The following GINM1 variants were observed in gnomAD, a reference collection of about 807,000 sequenced individuals.
GINM1 encodes glycoprotein integral membrane protein 1.
Under a neutral mutation model 37.8 loss-of-function variants are expected in GINM1, and 29 were observed. The ratio of observed to expected loss-of-function variants is 0.77; its 90% CI spans 0.57 to 1.05. The LOEUF (loss-of-function observed/expected upper bound fraction) is 1.05. Among genes scored for constraint, GINM1 ranks in the 50% least tolerant of loss-of-function variants. The probability of loss-of-function intolerance (pLI) is 0.00; values close to 1 mark genes in which losing one functional copy is unlikely to be tolerated. For synonymous variants in GINM1, 143 were observed against 146.2 expected (o/e 0.98, Z 0.16); for missense variants, 377 against 397.9 (o/e 0.95, Z 0.45).
chr6:149,571,947 G>A (rs1777829480), intron 1 of GINM1, among the ~76,000 whole-genome samples: 1 of 151,970 alleles, frequency 6.6e-6, no homozygotes, highest in South Asian at 2.1e-4. Context: ...TGGGTGTGGT[G>A]GTGCATGCCT....
chr6:149,578,648 G>A (rs1230257657), intron 3 of GINM1, among the ~76,000 whole-genome samples, 174 bp from the exon 4 acceptor site: 1 of 151,844 alleles, frequency 6.6e-6, no homozygotes, highest in African/African-American at 2.4e-5. Context: ...AGATTTGTCA[G>A]ATTGTCTTTG....
chr6:149,578,804 C>T lies in GINM1; in HGVS notation c.278-18C>T. 1 of 1,506,300 alleles carries T rather than the reference C, an allele frequency of 6.6e-7. No individual in the cohort carries two copies. Among genetic ancestry groups the T allele is most frequent in the Middle Eastern group, 1.8e-4 (1 of 5,696 alleles). The allele number at this position is 1,506,300 out of a possible 1,614,324, so 93.3% of individuals were successfully genotyped here. A position where few individuals can be genotyped will look rare whatever the true frequency, so the allele number is the denominator to read the frequency against. The stretch of plus-strand genomic sequence containing the variant: ...TGGTAATCTTTGTTCAAAGGTGTCA[C>T]TACTTTTTTTTTTATAGTGAAGAAT... On this transcript the variant is annotated intron_variant, in intron 3 of 7. Coordinates refer to ENST00000367419, the MANE Select transcript of GINM1 (RefSeq NM_138785.5).
intron 7 of GINM1, among the ~76,000 whole-genome samples, chr6:149,584,128 A>C (rs1030480548): frequency 7.2e-5 from 11 of 151,996 alleles, no homozygotes; most frequent in African/African-American, 2.7e-4. Context: ...GGCATGCGCC[A>C]CCTTGCTTGG....
At chr6:149,574,264 C>T (rs1299966907) in intron 3 of GINM1, among the ~76,000 whole-genome samples, 1 of 152,096 alleles carries the variant, frequency 6.6e-6, no homozygotes, top group East Asian at 1.9e-4. Context: ...TTGGTCAAGG[C>T]CGGTCTCGAA....
chr6:149,570,496 G>A (rs1488187647), intron 1 of GINM1, among the ~76,000 whole-genome samples: 3 of 151,370 alleles, frequency 2.0e-5, no homozygotes, highest in Non-Finnish European at 2.9e-5. Flanking sequence ...GGAATTTCTA[G>A]TTAGAAAGCT....
intron 7 of GINM1, 42 bp downstream of exon 7, chr6:149,582,645 T>G: frequency 7.5e-7 from 1 of 1,333,870 alleles, no homozygotes; most frequent in Non-Finnish European, 1.0e-6. Context: ...TTTTTAATGA[T>G]TAAAAAGTGA....
At position 149,566,887 on chromosome 6, in the gene GINM1, G is replaced by C. The variant is rs1777728020; in HGVS notation, c.120+353G>C. ...CCTTCCCGGGGTAGAGCCAGCGCTT[G>C]GGCAAGGAATGTTTGTGTGCTCGGG... is the stretch of plus-strand genomic sequence containing the variant. On this transcript the variant is annotated intron_variant, in intron 1 of 7. Transcript: ENST00000367419. The surrounding 1 kb of genome is among the most constrained non-coding windows in gnomAD (Gnocchi z 4.4). Among the ~76,000 whole-genome samples the C allele has an allele frequency of 6.6e-6, 1 of 152,226 alleles. No homozygotes were observed. The highest frequency in any genetic ancestry group is 1.5e-5 in the Non-Finnish European group (1 of 68,044).
chr6:149,589,048 C>T (rs1414265854), intron 7 of GINM1, among the ~76,000 whole-genome samples: 1 of 152,024 alleles, frequency 6.6e-6, no homozygotes. Flanking sequence ...AAGTGACCCA[C>T]CCGTCTCGGC....
At chr6:149,586,958 A>C (rs1223193233) in intron 7 of GINM1, among the ~76,000 whole-genome samples, 1 of 151,778 alleles carries the variant, frequency 6.6e-6, no homozygotes, top group Non-Finnish European at 1.5e-5. Flanking sequence ...TAATTTTTTT[A>C]ATTTATTTTT....
At position 149,580,617 on chromosome 6, in the gene GINM1, C is replaced by T. The variant is rs750899252; in HGVS notation, c.611C>T (p.Thr204Ile). 6 of 1,613,360 alleles carry T rather than the reference C, an allele frequency of 3.7e-6. No homozygotes were observed. In the East Asian group the frequency reaches 1.1e-4, roughly 30 times the overall value. Residue 204 changes from threonine to isoleucine, a missense_variant, in exon 6 of 8, where the codon ACT becomes ATT. Transcript: ENST00000367419. ...KKESVSSLQT[T>I]SQYLIRNVET... ...GAAAGTGTTAGTTCACTGCAAACCA[C>T]TAGCCAGTATCTTATCAGGAATGTG...
intron 7 of GINM1, among the ~76,000 whole-genome samples, chr6:149,589,630 T>G (rs1266783900): frequency 6.6e-6 from 1 of 152,226 alleles, no homozygotes. Flanking sequence ...GTTCTCATTT[T>G]GTTTCCCAGA....
chr6:149,589,024 G>A (rs991507427), intron 7 of GINM1, among the ~76,000 whole-genome samples: 4 of 152,038 alleles, frequency 2.6e-5, no homozygotes, highest in African/African-American at 4.8e-5. Flanking sequence ...GGATGGTCTC[G>A]AACTCCTGAC....
chr6:149,566,589 C>A lies in GINM1; in HGVS notation c.120+55C>A. The A allele has an allele frequency of 7.0e-7, 1 of 1,426,682 alleles. No homozygotes were observed. The highest frequency in any genetic ancestry group is 9.2e-7 in the Non-Finnish European group (1 of 1,090,272). 88.4% of individuals were successfully genotyped at this position (1,426,682 alleles called of 1,614,324 possible). ...TTACGACTCCGACTCTCCGGGAGGC[C>A]CGGGCTGTCCACAGTGACGCTTCCC... On this transcript the variant is annotated intron_variant, in intron 1 of 7. Coordinates refer to ENST00000367419, the MANE Select transcript of GINM1 (RefSeq NM_138785.5). This position sits in a 1 kb window ranked among gnomAD's most constrained non-coding sequence, Gnocchi z 4.4.
At chr6:149,582,678 A>G (rs751240015) in intron 7 of GINM1, 75 bp downstream of exon 7, 4 of 1,061,484 alleles carry the variant, frequency 3.8e-6, no homozygotes, top group Non-Finnish European at 5.3e-6. Flanking sequence ...ATGTTTTAGA[A>G]TAGAAAATAT....
rs964516378 is a variant in GINM1 at position 149,591,491 on chromosome 6, CTATAATA to C, written c.*659_*665del. ...TAAGGAAATTATATCCACTTAATTA[CTATAATA>C]TATAAGACTTTATGAAAAGCACTTT... On this transcript the variant is annotated 3_prime_UTR_variant, in exon 8 of 8. Coordinates refer to ENST00000367419, the MANE Select transcript of GINM1 (RefSeq NM_138785.5). 2 of 151,750 alleles carry C rather than the reference CTATAATA, an allele frequency of 1.3e-5. No individual in the cohort carries two copies. The highest frequency in any genetic ancestry group is 1.9e-4 in the East Asian group (1 of 5,186). 9.4% of individuals were successfully genotyped at this position (151,750 alleles called of 1,614,324 possible).
Position 149,572,288 on chromosome 6 carries a change from G to A in GINM1, c.124G>A (p.Gly42Ser), listed in dbSNP as rs142853295. Residue 42 changes from glycine (G) to serine (S), a missense_variant, in exon 2 of 8, where the codon GGC (glycine) becomes AGC (serine). Transcript: ENST00000367419. Reference protein sequence around the residue: ...PPPLSGAPQDGIRINVTTLKD... With the variant: ...PPPLSGAPQDSIRINVTTLKD... ...TTACACAATACTTGTTTTACAGGAC[G>A]GCATCAGAATTAATGTAACTACACT... The A allele has an allele frequency of 1.1e-5, 17 of 1,587,522 alleles. No individual in the cohort carries two copies. Among genetic ancestry groups the A allele is most frequent in the South Asian group, 3.4e-5 (3 of 87,310 alleles).
intron 1 of GINM1, among the ~76,000 whole-genome samples, chr6:149,567,217 G>A (rs562126487): frequency 9.2e-5 from 14 of 152,298 alleles, no homozygotes; most frequent in African/African-American, 3.1e-4. Context: ...TGGGAGAATC[G>A]AGGCATCCTA....
Position 149,582,549 on chromosome 6 carries a change from G to A in GINM1, c.827G>A (p.Gly276Glu). Residue 276 changes from glycine (G) to glutamate (E), a missense_variant, in exon 7 of 8, where the codon GGA becomes GAA. Coordinates refer to ENST00000367419, the MANE Select transcript of GINM1 (RefSeq NM_138785.5). Reference protein sequence around the residue: ...FLNIMVVGITGAAVVITILKV... With the variant: ...FLNIMVVGITEAAVVITILKV... ...AACATCATGGTGGTTGGAATTACAG[G>A]AGCAGCTGTGGTAATAACCATCTTA... The A allele has an allele frequency of 6.2e-7, 1 of 1,610,992 alleles. No homozygotes were observed. Among genetic ancestry groups the A allele is most frequent in the Non-Finnish European group, 8.5e-7 (1 of 1,179,152 alleles).
intron 1 of GINM1, among the ~76,000 whole-genome samples, chr6:149,570,139 TATATATA>T (rs1777790140): frequency 7.2e-4 from 2 of 2,792 alleles, no homozygotes; most frequent in African/African-American, 1.0e-3. Flanking sequence ...GTAGGTTTTA[TATATATA>T]TATATATATA....
Sources: gnomAD v4.1 joint callset for allele counts (sites outside exome capture counted in the v4.1 genomes callset) on GRCh38, gnomAD v4.1.1 for gene constraint, Gnocchi (gnomAD v3.1) non-coding constraint, MANE v1.5 for transcripts, NCBI Gene and HGNC (gene_info 2026-07-23, HGNC 2026-07-21) for gene names.